MCC: variants seen among roughly 807,000 people sequenced by gnomAD.
MCC encodes colorectal mutant cancer protein.
MCC carries 90 observed loss-of-function variants against 116.2 expected under a neutral mutation model. The ratio of observed to expected loss-of-function variants is 0.77; its 90% CI spans 0.65 to 0.92. The LOEUF (loss-of-function observed/expected upper bound fraction) is 0.92. MCC is among the 40% of genes least tolerant of loss of function. The probability of loss-of-function intolerance (pLI) is 0.00; values close to 1 mark genes in which losing one functional copy is unlikely to be tolerated. For missense variants in MCC, 1,516 were observed against 1,312.2 expected (o/e 1.16, Z -2.40); for synonymous variants, 578 against 510.5 (o/e 1.13, Z -1.78).
At chr5:113,346,414 A>G (rs1768133731) in intron 2 of MCC, among the ~76,000 whole-genome samples, 1 of 152,116 alleles carries the variant, frequency 6.6e-6, no homozygotes, top group Non-Finnish European at 1.5e-5. Context: ...CCTGGACAAC[A>G]TGGTGAAACC....
chr5:113,374,991 C>CAAAAAAAA (rs70973680), intron 2 of MCC, among the ~76,000 whole-genome samples: 1 of 85,234 alleles, frequency 1.2e-5, no homozygotes, highest in African/African-American at 4.6e-5. Flanking sequence ...GACCCTGTCT[C>CAAAAAAAA]AAAAAAAAAA....
intron 1 of MCC, among the ~76,000 whole-genome samples, chr5:113,425,698 C>G (rs1035230953): frequency 5.3e-5 from 8 of 151,942 alleles, no homozygotes; most frequent in Admixed American, 2.0e-4. Context: ...ATTATAGAAG[C>G]AAACGTGAGA....
chr5:113,185,864 C>T (rs1355918062), intron 3 of MCC, among the ~76,000 whole-genome samples: 1 of 152,052 alleles, frequency 6.6e-6, no homozygotes, highest in East Asian at 1.9e-4. Flanking sequence ...TAACAGAGGC[C>T]ATATAAGGAA....
intron 1 of MCC, among the ~76,000 whole-genome samples, chr5:113,411,390 C>T (rs533348642): frequency 1.3e-5 from 2 of 152,304 alleles, no homozygotes; most frequent in East Asian, 3.9e-4. Flanking sequence ...TGTCTGTTGG[C>T]TGCATACATG....
chr5:113,352,209 C>T (rs954658233), intron 2 of MCC, among the ~76,000 whole-genome samples: 3 of 152,052 alleles, frequency 2.0e-5, no homozygotes, highest in African/African-American at 7.2e-5. Context: ...ATTCATGAGA[C>T]AAAAACTAGT....
intron 1 of MCC, among the ~76,000 whole-genome samples, chr5:113,390,316 C>T (rs996264784): frequency 2.0e-5 from 3 of 152,124 alleles, no homozygotes; most frequent in Non-Finnish European, 4.4e-5. Flanking sequence ...TACTCATATT[C>T]ATGCACATAT....
At chr5:113,096,894 T>C (rs1379138485) in intron 8 of MCC, among the ~76,000 whole-genome samples, 2 of 152,158 alleles carry the variant, frequency 1.3e-5, no homozygotes, top group Non-Finnish European at 2.9e-5. Flanking sequence ...GAGCCTCCCA[T>C]GTGGAAGGAG....
chr5:113,432,617 C>T (rs1438083324), intron 1 of MCC: 1 of 152,114 alleles, frequency 6.6e-6, no homozygotes. Flanking sequence ...CCAACTTGCC[C>T]AAGATCATTT....
At chr5:113,422,546 C>G (rs1770370629) in intron 1 of MCC, among the ~76,000 whole-genome samples, 1 of 152,174 alleles carries the variant, frequency 6.6e-6, no homozygotes, top group South Asian at 2.1e-4. Flanking sequence ...CAAGTACGAG[C>G]CAGCTCCAGT....
chr5:113,052,532 CA>C (rs1205285720), intron 15 of MCC, among the ~76,000 whole-genome samples: 1 of 152,170 alleles, frequency 6.6e-6, no homozygotes, highest in Non-Finnish European at 1.5e-5. Flanking sequence ...AAACTTCGCC[CA>C]GATTCTAGCT....
intron 3 of MCC, among the ~76,000 whole-genome samples, chr5:113,242,089 C>A (rs972145086): frequency 6.7e-6 from 1 of 149,884 alleles, no homozygotes; most frequent in East Asian, 1.9e-4. Context: ...TGGTGCTAAC[C>A]TAATCCCACA....
chr5:113,431,080 A>C (rs1770626033), intron 1 of MCC, among the ~76,000 whole-genome samples: 1 of 152,148 alleles, frequency 6.6e-6, no homozygotes, highest in African/African-American at 2.4e-5. Flanking sequence ...TCAGAAGAGT[A>C]GGAAGTGAGA....
At chr5:113,128,052 G>A (rs1758182439) in intron 5 of MCC, among the ~76,000 whole-genome samples, 1 of 152,152 alleles carries the variant, frequency 6.6e-6, no homozygotes, top group African/African-American at 2.4e-5. Flanking sequence ...TATTGGTTAG[G>A]GGTAAAATAA....
In MCC at chr5:113,334,590, AT is replaced by A. The variant is rs58288026; in HGVS notation, c.627+5928del. Among the ~76,000 whole-genome samples, 290 of 120,822 alleles carry A rather than the reference AT, an allele frequency of 2.4e-3. 3 individuals carry two copies. The highest frequency in any genetic ancestry group is 0.023 in the East Asian group (100 of 4,418). 79.3% of individuals were successfully genotyped at this position (120,822 alleles called of 152,430 possible). A position where few individuals can be genotyped will look rare whatever the true frequency, so the allele number is the denominator to read the frequency against. ...TGACAATTCAAGGTTCTGATTTCTG[AT>A]TTTTTTTTTTTTTTTTTGAGATGCA... On this transcript the variant is annotated intron_variant, in intron 3 of 18. Transcript: ENST00000408903.
chr5:113,068,122 T>G lies in MCC; in HGVS notation c.1987A>C (p.Ile663Leu). The G allele has an allele frequency of 1.2e-6, 2 of 1,614,202 alleles. No individual in the cohort carries two copies. Among genetic ancestry groups the G allele is most frequent in the Non-Finnish European group, 1.7e-6 (2 of 1,180,030 alleles). ...LALAESEQSL[I>L]LGQFRAAGVG... ...CCCGCCGCTCGGAACTGCCCCAGGA[T>G]GAGGCTCTGCTCACTCTCTGCCAGC... The change falls in exon 13 of 19, where the codon ATC becomes CTC. Residue 663 changes from isoleucine (I) to leucine (L), a missense_variant. Transcript: ENST00000408903.
intron 3 of MCC, among the ~76,000 whole-genome samples, chr5:113,174,194 G>A (rs1304907748): frequency 6.6e-6 from 1 of 152,184 alleles, no homozygotes; most frequent in African/African-American, 2.4e-5. Context: ...CAAGGTAGGG[G>A]TGGGTAGACA....
At chr5:113,047,235 C>T (rs1035694181) in intron 16 of MCC, among the ~76,000 whole-genome samples, 3 of 152,226 alleles carry the variant, frequency 2.0e-5, no homozygotes, top group Non-Finnish European at 4.4e-5. Flanking sequence ...CCCATTTGCC[C>T]ACCAGTCTCC....
intron 3 of MCC, among the ~76,000 whole-genome samples, chr5:113,152,222 T>C (rs1759923533): frequency 6.6e-6 from 1 of 152,246 alleles, no homozygotes; most frequent in African/African-American, 2.4e-5. Context: ...AATCTCCATC[T>C]GTTCAACTTC....
At chr5:113,237,982 G>A (rs1006540192) in intron 3 of MCC, among the ~76,000 whole-genome samples, 1 of 152,160 alleles carries the variant, frequency 6.6e-6, no homozygotes, top group Admixed American at 6.6e-5. Flanking sequence ...TAGGGAAACA[G>A]AGGTGGAGGA....
Sources: allele counts gnomAD v4.1 joint callset (sites outside exome capture counted in the v4.1 genomes callset), GRCh38; gene constraint gnomAD v4.1.1; transcripts MANE v1.5; gene names NCBI Gene and HGNC (gene_info 2026-07-23, HGNC 2026-07-21).